Variants in RAP1GAP2 observed in about 807,000 individuals in gnomAD.
RAP1GAP2 encodes rap1 GTPase-activating protein 2.
In RAP1GAP2, 27 loss-of-function variants were observed where a neutral mutation model predicts 95.0. That is an observed-to-expected ratio of 0.28 (90% confidence interval 0.21 to 0.39). The LOEUF (loss-of-function observed/expected upper bound fraction) is 0.39, where lower values mean the gene tolerates loss of function less well. Ranked by LOEUF, RAP1GAP2 falls within the 10% of genes least tolerant of loss-of-function variation. The pLI, the probability that RAP1GAP2 is intolerant of heterozygous loss-of-function variation, is 1.00. For synonymous variants in RAP1GAP2, 373 were observed against 380.9 expected (o/e 0.98, Z 0.24); for missense variants, 771 against 970.0 (o/e 0.79, Z 2.72).
chr17:2,853,021 G>C (rs1360754712), intron 2 of RAP1GAP2, among the ~76,000 whole-genome samples: 1 of 152,034 alleles, frequency 6.6e-6, no homozygotes, highest in Non-Finnish European at 1.5e-5. Context: ...GGGGGCGCCC[G>C]GCCCGCCAGG....
intron 3 of RAP1GAP2, among the ~76,000 whole-genome samples, chr17:2,949,547 A>G (rs1043663932): frequency 5.2e-5 from 7 of 135,522 alleles, no homozygotes; most frequent in Non-Finnish European, 7.9e-5. Flanking sequence ...TGCCTGCTGT[A>G]TGCCCTGAGC....
intron 3 of RAP1GAP2, among the ~76,000 whole-genome samples, chr17:2,918,839 C>T (rs1597607427): frequency 6.6e-6 from 1 of 152,254 alleles, no homozygotes; most frequent in South Asian, 2.1e-4. Context: ...AGTACCTGCC[C>T]TGGGTGGCTG....
intron 2 of RAP1GAP2, among the ~76,000 whole-genome samples, chr17:2,808,632 G>A (rs528769318): frequency 7.2e-5 from 11 of 152,326 alleles, no homozygotes; most frequent in African/African-American, 2.4e-4. Context: ...GCACTGGCCG[G>A]TGTGGCCGCC....
Position 2,980,267 on chromosome 17 carries a change from T to G in RAP1GAP2, c.597-20T>G, listed in dbSNP as rs754168851. ...CTGACTGTTTCTTAGGGATGTCCTT[T>G]TTTCTCCCGTCTTGTGCAGGTCCAA... On this transcript the variant is annotated intron_variant, in intron 8 of 24. Coordinates refer to ENST00000254695, the MANE Select transcript of RAP1GAP2 (RefSeq NM_015085.5). 1 of 1,613,174 alleles carries G rather than the reference T, an allele frequency of 6.2e-7. No individual in the cohort carries two copies. Among genetic ancestry groups the G allele is most frequent in the Non-Finnish European group, 8.5e-7 (1 of 1,179,298 alleles).
At chr17:2,932,096 G>A (rs542720975) in intron 3 of RAP1GAP2, among the ~76,000 whole-genome samples, 2 of 152,328 alleles carry the variant, frequency 1.3e-5, no homozygotes, top group Admixed American at 1.3e-4. Context: ...GTTGTCCCAG[G>A]TGGAGGAGGA....
intron 8 of RAP1GAP2, among the ~76,000 whole-genome samples, chr17:2,972,797 AT>A (rs2044927895): frequency 6.6e-6 from 1 of 152,160 alleles, no homozygotes; most frequent in Non-Finnish European, 1.5e-5. Flanking sequence ...CCAATGCAGG[AT>A]GGTTAATATT....
chr17:2,865,814 G>A (rs1335902446), intron 2 of RAP1GAP2, among the ~76,000 whole-genome samples: 6 of 152,072 alleles, frequency 3.9e-5, no homozygotes, highest in Admixed American at 3.3e-4. Context: ...CTGACCCCCA[G>A]CCCCCTTCTA....
chr17:2,879,943 G>A (rs1001618010), intron 2 of RAP1GAP2, among the ~76,000 whole-genome samples: 1 of 152,122 alleles, frequency 6.6e-6, no homozygotes, highest in African/African-American at 2.4e-5. Flanking sequence ...AGACCGCAGG[G>A]TCCTTCAGGC....
chr17:2,820,892 G>T (rs61586389), intron 2 of RAP1GAP2, among the ~76,000 whole-genome samples: 22,800 of 101,154 alleles, frequency 0.23, 2,878 homozygotes, highest in African/African-American at 0.37. Context: ...CCGGATAATG[G>T]TTTTTTTTTT....
At chr17:2,807,580 C>T (rs2069574395) in intron 2 of RAP1GAP2, among the ~76,000 whole-genome samples, 1 of 152,132 alleles carries the variant, frequency 6.6e-6, no homozygotes, top group Non-Finnish European at 1.5e-5. Flanking sequence ...CTGGTGATGC[C>T]TGAGCTGTCT....
chr17:2,936,395 A>G (rs1292566481), intron 3 of RAP1GAP2, among the ~76,000 whole-genome samples: 3 of 151,422 alleles, frequency 2.0e-5, no homozygotes, highest in Non-Finnish European at 4.4e-5. Flanking sequence ...TGACCCTGCC[A>G]GGGGCTGTGG....
intron 2 of RAP1GAP2, among the ~76,000 whole-genome samples, chr17:2,877,056 T>C (rs1442746594): frequency 6.6e-6 from 1 of 151,818 alleles, no homozygotes; most frequent in African/African-American, 2.4e-5. Context: ...ACCCAGCTAA[T>C]TTTTGTATTT....
At chr17:2,810,518 C>G (rs972075945) in intron 2 of RAP1GAP2, among the ~76,000 whole-genome samples, 37 of 141,810 alleles carry the variant, frequency 2.6e-4, no homozygotes, top group African/African-American at 9.6e-4. Flanking sequence ...CCTGTCCCCC[C>G]ACCCTTTTTT....
At chr17:2,991,043 C>T (rs1337897947) in intron 11 of RAP1GAP2, among the ~76,000 whole-genome samples, 2 of 151,888 alleles carry the variant, frequency 1.3e-5, no homozygotes, top group Non-Finnish European at 2.9e-5. Context: ...CAAGGTTTCA[C>T]CATGTTGGCC....
upstream of RAP1GAP2, among the ~76,000 whole-genome samples, chr17:2,791,945 C>T (rs2068936993): frequency 1.3e-5 from 2 of 151,618 alleles, no homozygotes; most frequent in South Asian, 4.2e-4. Flanking sequence ...CTGAAACCTC[C>T]GCCTCCCAGG....
At chr17:2,996,700 G>A (rs115463981) in intron 13 of RAP1GAP2, among the ~76,000 whole-genome samples, 3,937 of 152,320 alleles carry the variant, frequency 0.026, 160 homozygotes, top group African/African-American at 0.087. Flanking sequence ...AGTCTTATGT[G>A]TGTTTCTTGG....
intron 4 of RAP1GAP2, among the ~76,000 whole-genome samples, chr17:2,961,851 C>T (rs2044343626): frequency 2.0e-5 from 3 of 151,602 alleles, no homozygotes; most frequent in African/African-American, 7.3e-5. Context: ...GCATGACTTC[C>T]TATGTTTCCC....
intron 8 of RAP1GAP2, among the ~76,000 whole-genome samples, chr17:2,969,179 CTATA>C (rs769314712): frequency 1.4e-5 from 2 of 143,138 alleles, no homozygotes; most frequent in Admixed American, 7.0e-5. Context: ...ATCTATCTAT[CTATA>C]TATATATATA....
chr17:2,913,287 T>C (rs2042454435), intron 3 of RAP1GAP2, among the ~76,000 whole-genome samples: 1 of 150,434 alleles, frequency 6.6e-6, no homozygotes, highest in African/African-American at 2.4e-5. Context: ...TTTCCCTAAT[T>C]CTGTTCTCTT....
Sources: gnomAD v4.1 joint callset for allele counts (sites outside exome capture counted in the v4.1 genomes callset) on GRCh38, gnomAD v4.1.1 for gene constraint, MANE v1.5 for transcripts, NCBI Gene and HGNC (gene_info 2026-07-23, HGNC 2026-07-21) for gene names.